SV2C: variants seen among roughly 807,000 people sequenced by gnomAD.
SV2C encodes solute carrier family 22 member B3.
In SV2C, 49 loss-of-function variants were observed where a neutral mutation model predicts 79.7. The observed-to-expected ratio is 0.61, with a 90% CI of 0.49 to 0.78. The LOEUF (loss-of-function observed/expected upper bound fraction) is 0.78. Ranked by LOEUF, SV2C falls within the 30% of genes least tolerant of loss-of-function variation. The pLI is 0.00. For synonymous variants in SV2C, 334 were observed against 333.2 expected (o/e 1.00, Z -0.03); for missense variants, 833 against 912.9 (o/e 0.91, Z 1.13).
At chr5:75,931,097 C>A in the SV2C span, among the ~76,000 whole-genome samples, 1 of 152,172 alleles carries the variant, frequency 6.6e-6, no homozygotes, top group African/African-American at 2.4e-5. Context: ...TGTGCCACTG[C>A]ACTCCAGTCT....
At chr5:75,893,253 C>T in the SV2C span, among the ~76,000 whole-genome samples, 1 of 151,920 alleles carries the variant, frequency 6.6e-6, no homozygotes, top group Non-Finnish European at 1.5e-5. Flanking sequence ...TGCCCTTTGT[C>T]CACTTTTCAA....
chr5:76,036,695 A>G, the SV2C span, among the ~76,000 whole-genome samples: 2 of 151,952 alleles, frequency 1.3e-5, no homozygotes, highest in South Asian at 4.2e-4. Flanking sequence ...CTTCATTTCA[A>G]CTTTGGTGAA....
the SV2C span, among the ~76,000 whole-genome samples, chr5:75,855,175 C>T: frequency 6.6e-6 from 1 of 152,216 alleles, no homozygotes; most frequent in Middle Eastern, 3.4e-3. Flanking sequence ...TTTTGAATTG[C>T]ATTGAATCTA....
At chr5:75,848,796 G>A in the SV2C span, among the ~76,000 whole-genome samples, 1 of 152,116 alleles carries the variant, frequency 6.6e-6, no homozygotes, top group East Asian at 1.9e-4. Context: ...ATCAAGAATA[G>A]GCTACCTGGA....
At position 76,285,255 on chromosome 5, in the gene SV2C, C is replaced by T; in HGVS notation, c.1007C>T (p.Ala336Val). The T allele has an allele frequency of 1.2e-6, 2 of 1,614,144 alleles. No individual in the cohort carries two copies. Among genetic ancestry groups the T allele is most frequent in the Non-Finnish European group, 1.7e-6 (2 of 1,180,004 alleles). Residue 336 changes from alanine (A) to valine (V), a missense_variant, in exon 5 of 13, where the codon GCC becomes GTC. Coordinates refer to ENST00000502798, the MANE Select transcript of SV2C (RefSeq NM_014979.4). ...CALPCVSSVV[A>V]LTFMPESPRF... is the part of the protein sequence containing the mutation. ...CTCCCCTGTGTCTCCTCCGTGGTGGCCCTCACATTCATGCCTGAAAGCCCA... is the reference window on the plus strand; with the variant it reads ...CTCCCCTGTGTCTCCTCCGTGGTGGTCCTCACATTCATGCCTGAAAGCCCA...
chr5:76,213,770 T>C (rs1331301429), intron 4 of SV2C, among the ~76,000 whole-genome samples: 2 of 152,198 alleles, frequency 1.3e-5, no homozygotes, highest in Admixed American at 1.3e-4. Flanking sequence ...AAGTATACAG[T>C]ACAGTACAAT....
chr5:76,045,993 C>T, the SV2C span, among the ~76,000 whole-genome samples: 2 of 152,148 alleles, frequency 1.3e-5, no homozygotes, highest in African/African-American at 2.4e-5. Context: ...GTATTTGGAA[C>T]TCATCAGTGA....
chr5:75,917,602 G>C, the SV2C span, among the ~76,000 whole-genome samples: 7 of 152,076 alleles, frequency 4.6e-5, no homozygotes, highest in African/African-American at 1.7e-4. Flanking sequence ...TTATTTTGGA[G>C]ATATAAAAAT....
At chr5:76,324,782 C>T (rs966776248) in intron 12 of SV2C, among the ~76,000 whole-genome samples, 50 of 152,016 alleles carry the variant, frequency 3.3e-4, no homozygotes, top group African/African-American at 1.1e-3. Context: ...CTTGAACCTG[C>T]GAAGTGGAGG....
chr5:75,992,463 G>A, the SV2C span, among the ~76,000 whole-genome samples: 23 of 152,084 alleles, frequency 1.5e-4, no homozygotes, highest in African/African-American at 5.1e-4. Context: ...TTACTACTTT[G>A]TATTAGCTAT....
the SV2C span, among the ~76,000 whole-genome samples, chr5:75,850,450 T>C: frequency 6.6e-6 from 1 of 152,204 alleles, no homozygotes; most frequent in Admixed American, 6.5e-5. Context: ...TATTTTTTTC[T>C]AATCAACAAC....
At chr5:76,005,924 A>G in the SV2C span, among the ~76,000 whole-genome samples, 1 of 152,156 alleles carries the variant, frequency 6.6e-6, no homozygotes, top group Non-Finnish European at 1.5e-5. Context: ...TGATTATCTT[A>G]TCTGCTGTCT....
chr5:76,182,744 T>A (rs1251815160), intron 2 of SV2C, among the ~76,000 whole-genome samples: 2 of 152,134 alleles, frequency 1.3e-5, no homozygotes, highest in Non-Finnish European at 2.9e-5. Flanking sequence ...CCTGCATTGC[T>A]ATAAAGAAAT....
the SV2C span, among the ~76,000 whole-genome samples, chr5:75,901,542 G>T: frequency 6.6e-6 from 1 of 152,210 alleles, no homozygotes; most frequent in Non-Finnish European, 1.5e-5. Flanking sequence ...AGGGGTCAGG[G>T]ACCCACTTGA....
At chr5:76,219,993 C>T (rs1229083191) in intron 4 of SV2C, among the ~76,000 whole-genome samples, 3 of 152,154 alleles carry the variant, frequency 2.0e-5, no homozygotes, top group Admixed American at 6.5e-5. Flanking sequence ...TAAAATATGG[C>T]GATTTCCTGC....
the SV2C span, among the ~76,000 whole-genome samples, chr5:76,034,732 T>C: frequency 2.0e-5 from 3 of 152,182 alleles, no homozygotes; most frequent in East Asian, 1.9e-4. Flanking sequence ...TGTCTCTGCC[T>C]GCCTTTGGTA....
At chr5:76,062,698 T>G in the SV2C span, among the ~76,000 whole-genome samples, 1 of 152,080 alleles carries the variant, frequency 6.6e-6, no homozygotes, top group African/African-American at 2.4e-5. Flanking sequence ...CCCTGGTGAC[T>G]TGGCAAAAAC....
At chr5:76,291,904 A>G in intron 8 of SV2C, 48 bp downstream of exon 8, 1 of 1,336,028 alleles carries the variant, frequency 7.5e-7, no homozygotes, top group South Asian at 1.2e-5. Flanking sequence ...CAATGTCCAC[A>G]TTGTAACTCC....
chr5:76,082,762 C>G (rs1747037919), upstream of SV2C, among the ~76,000 whole-genome samples: 1 of 151,884 alleles, frequency 6.6e-6, no homozygotes, highest in Admixed American at 6.6e-5. Flanking sequence ...AAGTTTTCTT[C>G]TGTTTGCTCT....
Sources: gnomAD v4.1 joint callset for allele counts (sites outside exome capture counted in the v4.1 genomes callset) on GRCh38, gnomAD v4.1.1 for gene constraint, MANE v1.5 for transcripts, NCBI Gene and HGNC (gene_info 2026-07-23, HGNC 2026-07-21) for gene names.